Variants in MAP4K5 observed in about 807,000 individuals in gnomAD.
MAP4K5 encodes the protein MAPK/ERK kinase kinase kinase 5.
MAP4K5 carries 82 observed loss-of-function variants against 135.6 expected under a neutral mutation model. The ratio of observed to expected loss-of-function variants is 0.60; its 90% CI spans 0.51 to 0.73. The LOEUF (loss-of-function observed/expected upper bound fraction) is 0.73. Among genes scored for constraint, MAP4K5 ranks in the 30% least tolerant of loss-of-function variants. The pLI, the probability that MAP4K5 is intolerant of heterozygous loss-of-function variation, is 0.00. For synonymous variants in MAP4K5, 347 were observed against 335.0 expected (o/e 1.04, Z -0.39); for missense variants, 907 against 1,010.9 (o/e 0.90, Z 1.39).
At chr14:50,425,019 A>C (rs933356411) in intron 31 of MAP4K5, among the ~76,000 whole-genome samples, 1 of 152,232 alleles carries the variant, frequency 6.6e-6, no homozygotes, top group Non-Finnish European at 1.5e-5. Flanking sequence ...AGGAATATTC[A>C]TTTATATATA....
chr14:50,560,875 C>T (rs1469946017), intron 1 of MAP4K5, among the ~76,000 whole-genome samples: 16 of 152,196 alleles, frequency 1.1e-4, no homozygotes, highest in African/African-American at 3.6e-4. Flanking sequence ...AAGGGCCACC[C>T]TCTTGGGAAT....
chr14:50,476,073 T>C lies in MAP4K5; in HGVS notation c.469+55A>G, dbSNP rs1022649322. 3 of 918,886 alleles carry C rather than the reference T, an allele frequency of 3.3e-6. No homozygotes were observed. In the Admixed American group the frequency reaches 9.9e-5, roughly 30 times the overall value. 56.9% of individuals were successfully genotyped at this position (918,886 alleles called of 1,614,324 possible). ...CTCATTTAAAATTTTATAAAAATTTTATTAAAATGTCATTAAATTTTTGGA... is the reference window on the plus strand; with the variant it reads ...CTCATTTAAAATTTTATAAAAATTTCATTAAAATGTCATTAAATTTTTGGA... On this transcript the variant is annotated intron_variant, in intron 8 of 32. Coordinates refer to ENST00000682126, the MANE Select transcript of MAP4K5 (RefSeq NM_006575.6).
In MAP4K5 at chr14:50,447,477, A is replaced by G. The variant is rs750916006; in HGVS notation, c.1079T>C (p.Leu360Ser). Residue 360 changes from leucine to serine, a missense_variant, in exon 16 of 33, where the codon TTG (leucine) becomes TCG (serine). By Grantham distance (145) the Leu-to-Ser change is moderately radical (BLOSUM62 -2). Transcript: ENST00000682126. ...KETEARDEMG[L>S]SSDPNFMLQW... ...TAACATGAAATTTGGGTCTGATGAC[A>G]ATCCCTGTAAAGATAAAAATATAGT... 4.1e-5 allele frequency: 62 copies of G among 1,527,622 alleles called. No individual in the cohort carries two copies. Among genetic ancestry groups the G allele is most frequent in the Middle Eastern group, 1.7e-4 (1 of 5,940 alleles). The allele number at this position is 1,527,622 out of a possible 1,614,324, so 94.6% of individuals were successfully genotyped here.
chr14:50,476,725 G>A (rs2037108587), intron 6 of MAP4K5, among the ~76,000 whole-genome samples: 1 of 152,212 alleles, frequency 6.6e-6, no homozygotes, highest in Non-Finnish European at 1.5e-5. Flanking sequence ...GCCTCCCAAA[G>A]TGGTGGGATT....
chr14:50,421,913 A>G (rs1324689462), intron 32 of MAP4K5, among the ~76,000 whole-genome samples: 2 of 146,246 alleles, frequency 1.4e-5, no homozygotes, highest in African/African-American at 5.1e-5. Flanking sequence ...TTTTTTTTAG[A>G]CAGAGTCTTG....
At chr14:50,515,214 T>C (rs1480415613) in intron 2 of MAP4K5, among the ~76,000 whole-genome samples, 1 of 152,184 alleles carries the variant, frequency 6.6e-6, no homozygotes, top group East Asian at 1.9e-4. Context: ...TCATCCTTAT[T>C]CTTTTAAGAT....
At chr14:50,522,806 A>G (rs2038179634) in intron 2 of MAP4K5, among the ~76,000 whole-genome samples, 1 of 152,236 alleles carries the variant, frequency 6.6e-6, no homozygotes. Flanking sequence ...TGATGTTTTG[A>G]TATCAAATGT....
chr14:50,425,821 G>T, intron 31 of MAP4K5, 86 bp downstream of exon 31: 1 of 883,862 alleles, frequency 1.1e-6, no homozygotes, highest in Non-Finnish European at 1.8e-6. Context: ...CAGTAATGTA[G>T]GTTCAGAGAG....
At chr14:50,494,037 G>T (rs2037542042) in intron 3 of MAP4K5, among the ~76,000 whole-genome samples, 1 of 151,388 alleles carries the variant, frequency 6.6e-6, no homozygotes, top group African/African-American at 2.4e-5. Flanking sequence ...GAAATAAACT[G>T]AACTAAGGAA....
chr14:50,518,479 C>T (rs1014862857), intron 2 of MAP4K5, among the ~76,000 whole-genome samples: 14 of 152,212 alleles, frequency 9.2e-5, no homozygotes, highest in African/African-American at 3.4e-4. Context: ...CACTTATAAG[C>T]GAGAACATGC....
intron 1 of MAP4K5, chr14:50,560,566 C>T: frequency 3.8e-6 from 2 of 528,116 alleles, no homozygotes; most frequent in South Asian, 2.0e-5. Flanking sequence ...CTCCCGCCTC[C>T]TCCCAGCATT....
At chr14:50,507,453 T>C (rs1010463246) in intron 2 of MAP4K5, among the ~76,000 whole-genome samples, 2 of 152,234 alleles carry the variant, frequency 1.3e-5, no homozygotes, top group East Asian at 1.9e-4. Flanking sequence ...GTGTCAACTT[T>C]AGATCTTTCC....
intron 2 of MAP4K5, among the ~76,000 whole-genome samples, chr14:50,519,179 T>C (rs375576901): frequency 2.7e-4 from 41 of 152,132 alleles, no homozygotes; most frequent in East Asian, 2.3e-3. Flanking sequence ...AGTTGTTATA[T>C]ATTGTTAAAT....
intron 3 of MAP4K5, among the ~76,000 whole-genome samples, chr14:50,490,522 A>G (rs2037461456): frequency 6.6e-6 from 1 of 152,328 alleles, no homozygotes; most frequent in Non-Finnish European, 1.5e-5. Context: ...TAGTGTTTCA[A>G]GGCTGACATT....
intron 14 of MAP4K5, among the ~76,000 whole-genome samples, chr14:50,453,140 A>G (rs909093468): frequency 6.6e-6 from 1 of 152,028 alleles, no homozygotes; most frequent in Non-Finnish European, 1.5e-5. Flanking sequence ...AGCTAAAACT[A>G]TACAATTAAA....
At chr14:50,483,949 C>T (rs2037310016) in intron 5 of MAP4K5, among the ~76,000 whole-genome samples, 2 of 151,976 alleles carry the variant, frequency 1.3e-5, no homozygotes, top group Non-Finnish European at 2.9e-5. Context: ...CAACCACCGC[C>T]TCCTGGGTGC....
At chr14:50,518,870 T>C (rs1439581731) in intron 2 of MAP4K5, among the ~76,000 whole-genome samples, 1 of 152,196 alleles carries the variant, frequency 6.6e-6, no homozygotes, top group Non-Finnish European at 1.5e-5. Flanking sequence ...AGTTTCAGGG[T>C]AGGGAAGATG....
chr14:50,444,909 T>G (rs1566645030), intron 18 of MAP4K5, 132 bp downstream of exon 18: 20 of 970,484 alleles, frequency 2.1e-5, no homozygotes, highest in Non-Finnish European at 3.0e-5. Context: ...ATAATAGGAT[T>G]GACTAAATAA....
intron 26 of MAP4K5, among the ~76,000 whole-genome samples, chr14:50,436,470 G>A (rs1033226802): frequency 4.6e-5 from 7 of 151,992 alleles, no homozygotes; most frequent in Non-Finnish European, 8.8e-5. Context: ...GTGATTTTGG[G>A]TGGGGGCTTT....
Sources: gnomAD v4.1 joint callset for allele counts (sites outside exome capture counted in the v4.1 genomes callset) on GRCh38, gnomAD v4.1.1 for gene constraint, MANE v1.5 for transcripts, NCBI Gene and HGNC (gene_info 2026-07-23, HGNC 2026-07-21) for gene names.